The following GAS1 variants were observed in gnomAD, a reference collection of about 807,000 sequenced individuals.
GAS1 encodes the protein growth arrest specific 1, also known as growth arrest-specific protein 1.
GAS1 carries 10 observed loss-of-function variants against 21.6 expected under a neutral mutation model. That is an observed-to-expected ratio of 0.46 (90% CI 0.29 to 0.79). The LOEUF is 0.79. Ranked by LOEUF, GAS1 falls within the 30% of genes least tolerant of loss-of-function variation. GAS1 has a pLI of 0.10. For missense variants in GAS1, 567 were observed against 544.3 expected, an observed-to-expected ratio of 1.04 and a Z score of -0.42; for synonymous variants, 332 against 264.0, an observed-to-expected ratio of 1.26 and a Z score of -2.50.
Position 86,946,470 on chromosome 9 carries a change from G to A in GAS1, c.310C>T (p.Arg104Cys). 6.8e-7 allele frequency: 1 copy of A among 1,468,068 alleles called. No homozygotes were observed. The highest frequency in any genetic ancestry group is 9.0e-7 in the Non-Finnish European group (1 of 1,112,958). The allele number at this position is 1,468,068 out of a possible 1,614,324, so 90.9% of individuals were successfully genotyped here. A position where few individuals can be genotyped will look rare whatever the true frequency, so the allele number is the denominator to read the frequency against. The stretch of plus-strand genomic sequence containing the variant: ...GCCGAGATGCAGTGACTCGGGCAGC[G>A]CCAGCGCGACGAGAAAGAGGCGGCC... ...ASAASFSSRWRCPSHCISALI... is the reference protein window; with the variant it reads ...ASAASFSSRWCCPSHCISALI... The change falls in exon 1 of 1, where the codon CGC becomes TGC. Residue 104 changes from arginine to cysteine, a missense_variant. Transcript: ENST00000298743. This position sits in a 1 kb window ranked among gnomAD's most constrained non-coding sequence, Gnocchi z 5.2.
Position 86,947,454 on chromosome 9 carries a change from G to T in GAS1, c.-675C>A, listed in dbSNP as rs1342017060. Among the ~76,000 whole-genome samples, 1 of 152,176 alleles carries T rather than the reference G, an allele frequency of 6.6e-6. No individual in the cohort carries two copies. Among genetic ancestry groups the T allele is most frequent in the Admixed American group, 6.5e-5 (1 of 15,284 alleles). The stretch of plus-strand genomic sequence containing the variant: ...GAGCGGCTCCCTGGCTTCACTCGGC[G>T]GCAGCTTCTCGGGTGACCAAGAGCC... On this transcript the variant is annotated 5_prime_UTR_variant, in exon 1 of 1. Transcript: ENST00000298743.
At position 86,946,855 on chromosome 9, in the gene GAS1, G is replaced by C. The variant is rs1825507472; in HGVS notation, c.-76C>G. 6 of 443,482 alleles carry C rather than the reference G, an allele frequency of 1.4e-5. No homozygotes were observed. Among genetic ancestry groups the C allele is most frequent in the Non-Finnish European group, 2.4e-5 (6 of 253,226 alleles). 27.5% of individuals were successfully genotyped at this position (443,482 alleles called of 1,614,324 possible). A position where few individuals can be genotyped will look rare whatever the true frequency, so the allele number is the denominator to read the frequency against. ...GGGAGCGGCGGACGCGGAGCCGGTG[G>C]AAAAGTTTGTCCAAGTCCTGCCCAC... On this transcript the variant is annotated 5_prime_UTR_variant, in exon 1 of 1. Coordinates refer to ENST00000298743, the MANE Select transcript of GAS1 (RefSeq NM_002048.3). This position sits in a 1 kb window ranked among gnomAD's most constrained non-coding sequence, Gnocchi z 5.2.
In GAS1 at chr9:86,944,427, C is replaced by T. The variant is rs1364243070; in HGVS notation, c.*1315G>A. On this transcript the variant is annotated 3_prime_UTR_variant, in exon 1 of 1. Transcript: ENST00000298743. Reference sequence around the variant, plus strand: ...AAAACAAATAACCAAAAAAAATACACAAATCCATAGTTATTTAAAAACTTA... The same window carrying T: ...AAAACAAATAACCAAAAAAAATACATAAATCCATAGTTATTTAAAAACTTA... The T allele has an allele frequency of 6.6e-6, 1 of 152,000 alleles. No individual in the cohort carries two copies. The highest frequency in any genetic ancestry group is 1.9e-4 in the East Asian group (1 of 5,184). The allele number at this position is 152,000 out of a possible 1,614,324, so 9.4% of individuals were successfully genotyped here.
At position 86,946,525 on chromosome 9, in the gene GAS1, G is replaced by C; in HGVS notation, c.255C>G (p.Pro85=). Residue 85 remains proline (P), a synonymous_variant, in exon 1 of 1, where the codon CCC becomes CCG. Transcript: ENST00000298743. The surrounding 1 kb of genome is among the most constrained non-coding windows in gnomAD (Gnocchi z 5.2). ...CCGGGAAAGCGGCGGCGGCGGCCCCGGGCGCGTCGCCCCCGCCGTGCTGCG... is the reference window on the plus strand; with the variant it reads ...CCGGGAAAGCGGCGGCGGCGGCCCCCGGCGCGTCGCCCCCGCCGTGCTGCG... ...VLAQHGGGDA[P]GAAAAAFPAS... is the part of the protein sequence containing the mutation. The C allele has an allele frequency of 7.0e-7, 1 of 1,426,420 alleles. No homozygotes were observed. Among genetic ancestry groups the C allele is most frequent in the Non-Finnish European group, 9.2e-7 (1 of 1,092,124 alleles). 88.4% of individuals were successfully genotyped at this position (1,426,420 alleles called of 1,614,324 possible). A position where few individuals can be genotyped will look rare whatever the true frequency, so the allele number is the denominator to read the frequency against.
chr9:86,946,001 C>T lies in GAS1; in HGVS notation c.779G>A (p.Gly260Asp), dbSNP rs750958937. Residue 260 changes from glycine to aspartate, a missense_variant, in exon 1 of 1, where the codon GGC (glycine) becomes GAC (aspartate). Gly to Asp is a moderately conservative substitution (Grantham distance 94, BLOSUM62 -1). Transcript: ENST00000298743. This position sits in a 1 kb window ranked among gnomAD's most constrained non-coding sequence, Gnocchi z 5.2. Reference sequence around the variant, plus strand: ...GTCCTCATCGTAGTAGTCGTCCAGGCCCCCGTCCGAGCCGCTGCTGCCGGG... The same window carrying T: ...GTCCTCATCGTAGTAGTCGTCCAGGTCCCCGTCCGAGCCGCTGCTGCCGGG... The part of the protein sequence containing the change: ...NGPGSSGSDG[G>D]LDDYYDEDYD... 8.1e-6 allele frequency: 13 copies of T among 1,608,092 alleles called. No homozygotes were observed. The highest frequency in any genetic ancestry group is 2.2e-5 in the South Asian group (2 of 90,898).
chr9:86,945,940 A>C lies in GAS1; in HGVS notation c.840T>G (p.Gly280=), dbSNP rs1305380249. ...DDEQRTGGAG[G]EQPLDDDDGV... ...CGTCGTCGTCGTCCAGCGGCTGCTC[A>C]CCACCCGCGCCCCCGGTGCGCTGCT... The change falls in exon 1 of 1, where the codon GGT becomes GGG. Residue 280 remains glycine (G), a synonymous_variant. Coordinates refer to ENST00000298743, the MANE Select transcript of GAS1 (RefSeq NM_002048.3). 6.3e-7 allele frequency: 1 copy of C among 1,591,054 alleles called. No homozygotes were observed. Among genetic ancestry groups the C allele is most frequent in the Non-Finnish European group, 8.5e-7 (1 of 1,171,848 alleles).
Position 86,946,465 on chromosome 9 carries a change from G to A in GAS1, c.315C>T (p.Cys105=), listed in dbSNP as rs1412250292. 9 of 1,474,300 alleles carry A rather than the reference G, an allele frequency of 6.1e-6. No homozygotes were observed. The highest frequency in any genetic ancestry group is 2.9e-5 in the East Asian group (1 of 34,556). The allele number at this position is 1,474,300 out of a possible 1,614,324, so 91.3% of individuals were successfully genotyped here. A position where few individuals can be genotyped will look rare whatever the true frequency, so the allele number is the denominator to read the frequency against. ...TGAGGGCCGAGATGCAGTGACTCGG[G>A]CAGCGCCAGCGCGACGAGAAAGAGG... ...SAASFSSRWR[C]PSHCISALIQ... is the part of the protein sequence containing the mutation. Residue 105 remains cysteine, a synonymous_variant, in exon 1 of 1, where the codon TGC becomes TGT. Coordinates refer to ENST00000298743, the MANE Select transcript of GAS1 (RefSeq NM_002048.3). This position sits in a 1 kb window ranked among gnomAD's most constrained non-coding sequence, Gnocchi z 5.2.
chr9:86,946,520 G>A lies in GAS1; in HGVS notation c.260C>T (p.Ala87Val), dbSNP rs1282456773. The A allele has an allele frequency of 1.7e-5, 25 of 1,429,390 alleles. No homozygotes were observed. The East Asian group carries it at 7.5e-4, about 43-fold the overall frequency. The allele number at this position is 1,429,390 out of a possible 1,614,324, so 88.5% of individuals were successfully genotyped here. A position where few individuals can be genotyped will look rare whatever the true frequency, so the allele number is the denominator to read the frequency against. Residue 87 changes from alanine (A) to valine (V), a missense_variant, in exon 1 of 1, where the codon GCC becomes GTC. Coordinates refer to ENST00000298743, the MANE Select transcript of GAS1 (RefSeq NM_002048.3). This position sits in a 1 kb window ranked among gnomAD's most constrained non-coding sequence, Gnocchi z 5.2. ...CGAGGCCGGGAAAGCGGCGGCGGCG[G>A]CCCCGGGCGCGTCGCCCCCGCCGTG... Reference protein sequence around the residue: ...AQHGGGDAPGAAAAAFPASAA... With the variant: ...AQHGGGDAPGVAAAAFPASAA...
chr9:86,946,613 T>G lies in GAS1; in HGVS notation c.167A>C (p.Gln56Pro). ...LICWQALLQCQGEPECSYAYN... is the reference protein window; with the variant it reads ...LICWQALLQCPGEPECSYAYN... ...GGCGTAGCTGCACTCCGGCTCCCCC[T>G]GGCACTGCAGCAGCGCCTGCCAGCA... The change falls in exon 1 of 1, where the codon CAG becomes CCG. Residue 56 changes from glutamine to proline, a missense_variant. By Grantham distance (76) the Gln-to-Pro change is moderately conservative. Transcript: ENST00000298743. This position sits in a 1 kb window ranked among gnomAD's most constrained non-coding sequence, Gnocchi z 5.2. 1 of 1,450,922 alleles carries G rather than the reference T, an allele frequency of 6.9e-7. No individual in the cohort carries two copies. The highest frequency in any genetic ancestry group is 9.1e-7 in the Non-Finnish European group (1 of 1,104,246). 89.9% of individuals were successfully genotyped at this position (1,450,922 alleles called of 1,614,324 possible).
chr9:86,947,099 G>C lies in GAS1; in HGVS notation c.-320C>G, dbSNP rs1218607085. On this transcript the variant is annotated 5_prime_UTR_variant, in exon 1 of 1. Transcript: ENST00000298743. ...GGGGGGTGCGGGCCGCGGGGCCGTGGCGGGGCTGCAGGACCGCGCGGCGCG... is the reference window on the plus strand; with the variant it reads ...GGGGGGTGCGGGCCGCGGGGCCGTGCCGGGGCTGCAGGACCGCGCGGCGCG... 9.6e-6 allele frequency: 2 copies of C among 209,060 alleles called. No individual in the cohort carries two copies. Among genetic ancestry groups the C allele is most frequent in the Non-Finnish European group, 2.0e-5 (2 of 99,664 alleles). 13.0% of individuals were successfully genotyped at this position (209,060 alleles called of 1,614,324 possible).
chr9:86,947,042 G>A lies in GAS1; in HGVS notation c.-263C>T. On this transcript the variant is annotated 5_prime_UTR_variant, in exon 1 of 1. Coordinates refer to ENST00000298743, the MANE Select transcript of GAS1 (RefSeq NM_002048.3). ...CCCGAGAGCCCTCCGCTCGGCCCCCGGTGGTGGCGGGAGAGGCTCACTGTC... is the reference window on the plus strand; with the variant it reads ...CCCGAGAGCCCTCCGCTCGGCCCCCAGTGGTGGCGGGAGAGGCTCACTGTC... 1 of 267,478 alleles carries A rather than the reference G, an allele frequency of 3.7e-6. No individual in the cohort carries two copies. Among genetic ancestry groups the A allele is most frequent in the Non-Finnish European group, 7.4e-6 (1 of 134,784 alleles). The allele number at this position is 267,478 out of a possible 1,614,324, so 16.6% of individuals were successfully genotyped here.
At position 86,946,334 on chromosome 9, in the gene GAS1, C is replaced by G; in HGVS notation, c.446G>C (p.Arg149Pro). The G allele has an allele frequency of 7.0e-7, 1 of 1,427,042 alleles. No individual in the cohort carries two copies. Among genetic ancestry groups the G allele is most frequent in the Non-Finnish European group, 9.2e-7 (1 of 1,091,434 alleles). The allele number at this position is 1,427,042 out of a possible 1,614,324, so 88.4% of individuals were successfully genotyped here. A position where few individuals can be genotyped will look rare whatever the true frequency, so the allele number is the denominator to read the frequency against. The change falls in exon 1 of 1, where the codon CGG (arginine) becomes CCG (proline). Residue 149 changes from arginine (R) to proline (P), a missense_variant. Arg to Pro is a moderately radical substitution (Grantham distance 103). Transcript: ENST00000298743. The surrounding 1 kb of genome is among the most constrained non-coding windows in gnomAD (Gnocchi z 5.2). The part of the protein sequence containing the change: ...TKRAIEPCLP[R>P]TSGGGAGGPG... ...GCCGCCCGCGCCGCCGCCGCTCGTC[C>G]GGGGCAGGCACGGCTCAATGGCGCG...
chr9:86,946,335 G>C lies in GAS1; in HGVS notation c.445C>G (p.Arg149Gly). The change falls in exon 1 of 1, where the codon CGG (arginine) becomes GGG (glycine). Residue 149 changes from arginine (R) to glycine (G), a missense_variant. Coordinates refer to ENST00000298743, the MANE Select transcript of GAS1 (RefSeq NM_002048.3). The surrounding 1 kb of genome is among the most constrained non-coding windows in gnomAD (Gnocchi z 5.2). Reference sequence around the variant, plus strand: ...CCGCCCGCGCCGCCGCCGCTCGTCCGGGGCAGGCACGGCTCAATGGCGCGC... The same window carrying C: ...CCGCCCGCGCCGCCGCCGCTCGTCCCGGGCAGGCACGGCTCAATGGCGCGC... ...TKRAIEPCLP[R>G]TSGGGAGGPG... is the part of the protein sequence containing the mutation. 1.4e-6 allele frequency: 2 copies of C among 1,427,320 alleles called. No homozygotes were observed. Among genetic ancestry groups the C allele is most frequent in the East Asian group, 3.2e-5 (1 of 31,568 alleles). 88.4% of individuals were successfully genotyped at this position (1,427,320 alleles called of 1,614,324 possible). A position where few individuals can be genotyped will look rare whatever the true frequency, so the allele number is the denominator to read the frequency against.
Position 86,946,734 on chromosome 9 carries a change from TC to T in GAS1, c.45del (p.Thr16GlnfsTer9). On this transcript the variant is annotated frameshift_variant, in exon 1 of 1. Coordinates refer to ENST00000298743, the MANE Select transcript of GAS1 (RefSeq NM_002048.3). LOFTEE classifies it high-confidence loss of function. The surrounding 1 kb of genome is among the most constrained non-coding windows in gnomAD (Gnocchi z 5.2). ...LLGGGGEARG[G>X]TVPGAWLCLM... is the part of the protein sequence containing the mutation. ...AGGCACAGCCAGGCGCCCGGCACTG[TC>T]CCCCCGCGGGCCTCGCCGCCGCCGC... 2 of 1,292,186 alleles carry T rather than the reference TC, an allele frequency of 1.5e-6. No homozygotes were observed. The highest frequency in any genetic ancestry group is 1.6e-5 in the African/African-American group (1 of 63,528). 80.0% of individuals were successfully genotyped at this position (1,292,186 alleles called of 1,614,324 possible).
Position 86,946,994 on chromosome 9 carries a change from C to G in GAS1, c.-215G>C, listed in dbSNP as rs966298025. The G allele has an allele frequency of 1.3e-5, 4 of 315,146 alleles. No individual in the cohort carries two copies. The highest frequency in any genetic ancestry group is 2.4e-5 in the Non-Finnish European group (4 of 164,896). The allele number at this position is 315,146 out of a possible 1,614,324, so 19.5% of individuals were successfully genotyped here. ...TGGCTTCCTGGAAATGAACAGCTGTCGAGATCTGGTCCCGCTCTCCCACCC... is the reference window on the plus strand; with the variant it reads ...TGGCTTCCTGGAAATGAACAGCTGTGGAGATCTGGTCCCGCTCTCCCACCC... On this transcript the variant is annotated 5_prime_UTR_variant, in exon 1 of 1. Transcript: ENST00000298743. This position sits in a 1 kb window ranked among gnomAD's most constrained non-coding sequence, Gnocchi z 5.2.
At position 86,945,983 on chromosome 9, in the gene GAS1, T is replaced by C; in HGVS notation, c.797A>G (p.Asp266Gly). Reference sequence around the variant, plus strand: ...GCGCTGCTCGTCATCGTAGTCCTCATCGTAGTAGTCGTCCAGGCCCCCGTC... The same window carrying C: ...GCGCTGCTCGTCATCGTAGTCCTCACCGTAGTAGTCGTCCAGGCCCCCGTC... ...GSDGGLDDYY[D>G]EDYDDEQRTG... Residue 266 changes from aspartate to glycine, a missense_variant, in exon 1 of 1, where the codon GAT (aspartate) becomes GGT (glycine). Coordinates refer to ENST00000298743, the MANE Select transcript of GAS1 (RefSeq NM_002048.3). 1.2e-6 allele frequency: 2 copies of C among 1,607,590 alleles called. No individual in the cohort carries two copies. Among genetic ancestry groups the C allele is most frequent in the African/African-American group, 1.3e-5 (1 of 74,966 alleles).
chr9:86,946,550 G>C lies in GAS1; in HGVS notation c.230C>G (p.Ala77Gly). 7.2e-7 allele frequency: 1 copy of C among 1,393,744 alleles called. No individual in the cohort carries two copies. The highest frequency in any genetic ancestry group is 9.3e-7 in the Non-Finnish European group (1 of 1,077,714). The allele number at this position is 1,393,744 out of a possible 1,614,324, so 86.3% of individuals were successfully genotyped here. A position where few individuals can be genotyped will look rare whatever the true frequency, so the allele number is the denominator to read the frequency against. Residue 77 changes from alanine (A) to glycine (G), a missense_variant, in exon 1 of 1, where the codon GCG becomes GGG. Coordinates refer to ENST00000298743, the MANE Select transcript of GAS1 (RefSeq NM_002048.3). The surrounding 1 kb of genome is among the most constrained non-coding windows in gnomAD (Gnocchi z 5.2). The part of the protein sequence containing the change: ...QYAEACAPVL[A>G]QHGGGDAPGA... ...GGGCGCGTCGCCCCCGCCGTGCTGCGCCAGCACCGGCGCGCACGCCTCGGC... is the reference window on the plus strand; with the variant it reads ...GGGCGCGTCGCCCCCGCCGTGCTGCCCCAGCACCGGCGCGCACGCCTCGGC...
rs1186472044 is a variant in GAS1 at position 86,946,630 on chromosome 9, C to T, written c.150G>A (p.Gln50=). The change falls in exon 1 of 1, where the codon CAG becomes CAA. Residue 50 remains glutamine, a synonymous_variant. Transcript: ENST00000298743. The surrounding 1 kb of genome is among the most constrained non-coding windows in gnomAD (Gnocchi z 5.2). Reference sequence around the variant, plus strand: ...GCTCCCCCTGGCACTGCAGCAGCGCCTGCCAGCAGATGAGGCGGCGGCCGT... The same window carrying T: ...GCTCCCCCTGGCACTGCAGCAGCGCTTGCCAGCAGATGAGGCGGCGGCCGT... ...LAHGRRLICW[Q]ALLQCQGEPE... is the part of the protein sequence containing the mutation. 2 of 1,450,312 alleles carry T rather than the reference C, an allele frequency of 1.4e-6. No homozygotes were observed. Among genetic ancestry groups the T allele is most frequent in the South Asian group, 2.6e-5 (2 of 76,206 alleles). 89.8% of individuals were successfully genotyped at this position (1,450,312 alleles called of 1,614,324 possible).
rs1354450082 is a variant in GAS1, at chr9:86,946,317, C to A, written c.463G>T (p.Ala155Ser). 6.4e-6 allele frequency: 9 copies of A among 1,404,488 alleles called. No homozygotes were observed. Among genetic ancestry groups the A allele is most frequent in the Non-Finnish European group, 8.3e-6 (9 of 1,082,598 alleles). The allele number at this position is 1,404,488 out of a possible 1,614,324, so 87.0% of individuals were successfully genotyped here. ...ACCCCGCCCGCGCCGGGGCCGCCCG[C>A]GCCGCCGCCGCTCGTCCGGGGCAGG... is the stretch of plus-strand genomic sequence containing the variant. Reference protein sequence around the residue: ...PCLPRTSGGGAGGPGAGGVMG... With the variant: ...PCLPRTSGGGSGGPGAGGVMG... Residue 155 changes from alanine (A) to serine (S), a missense_variant, in exon 1 of 1, where the codon GCG (alanine) becomes TCG (serine). By Grantham distance (99) the Ala-to-Ser change is moderately conservative. Coordinates refer to ENST00000298743, the MANE Select transcript of GAS1 (RefSeq NM_002048.3). The surrounding 1 kb of genome is among the most constrained non-coding windows in gnomAD (Gnocchi z 5.2).
Sources: allele counts gnomAD v4.1 joint callset (sites outside exome capture counted in the v4.1 genomes callset), GRCh38; gene constraint gnomAD v4.1.1; non-coding constraint Gnocchi (gnomAD v3.1); transcripts MANE v1.5; gene names NCBI Gene and HGNC (gene_info 2026-07-23, HGNC 2026-07-21).